TENM2: variants seen among roughly 807,000 people sequenced by gnomAD.
TENM2 encodes the protein teneurin-2.
A neutral mutation model predicts 245.2 loss-of-function variants in TENM2; 52 were observed. That is an observed-to-expected ratio of 0.21 (90% CI 0.17 to 0.27). The LOEUF (loss-of-function observed/expected upper bound fraction) is 0.27, where lower values mean the gene tolerates loss of function less well. Ranked by LOEUF, TENM2 falls within the 10% of genes least tolerant of loss-of-function variation. The pLI, the probability that TENM2 is intolerant of heterozygous loss-of-function variation, is 1.00. For synonymous variants in TENM2, 1,363 were observed against 1,438.9 expected, an observed-to-expected ratio of 0.95 and a Z score of 1.19; for missense variants, 3,046 against 3,666.8, an observed-to-expected ratio of 0.83 and a Z score of 4.37.
chr5:167,177,860 G>A, the TENM2 span, among the ~76,000 whole-genome samples: 2 of 152,160 alleles, frequency 1.3e-5, no homozygotes, highest in Non-Finnish European at 2.9e-5. Flanking sequence ...GAAAGCCTCA[G>A]TACTCTTATT....
At position 167,492,992 on chromosome 5, in the gene TENM2, G is replaced by T. The variant is rs75166540; in HGVS notation, c.502+117519G>T. Reference sequence around the variant, plus strand: ...AGGAAATCATAGAGGAGATGCATTTGAAGAATAGAGTTTGAGCATGGATTA... The same window carrying T: ...AGGAAATCATAGAGGAGATGCATTTTAAGAATAGAGTTTGAGCATGGATTA... On this transcript the variant is annotated intron_variant, in intron 2 of 28. Coordinates refer to ENST00000518659, the Ensembl canonical transcript of TENM2. Among the ~76,000 whole-genome samples, 1,185 of 152,240 alleles carry T rather than the reference G, an allele frequency of 7.8e-3. 19 individuals carry two copies. Among genetic ancestry groups the T allele is most frequent in the African/African-American group, 0.027 (1,134 of 41,550 alleles).
chr5:167,394,819 A>G (rs1283417303), intron 2 of TENM2, among the ~76,000 whole-genome samples: 1 of 151,664 alleles, frequency 6.6e-6, no homozygotes, highest in African/African-American at 2.4e-5. Context: ...CTGGTCTCAA[A>G]CTCCTGAACT....
intron 2 of TENM2, among the ~76,000 whole-genome samples, chr5:167,815,760 T>C (rs1766998574): frequency 6.6e-6 from 1 of 150,644 alleles, no homozygotes; most frequent in Non-Finnish European, 1.5e-5. Context: ...GTCAGGGGGA[T>C]GGTTCATGTG....
At chr5:167,343,495 GA>G (rs1262762015) in intron 1 of TENM2, among the ~76,000 whole-genome samples, 1 of 152,110 alleles carries the variant, frequency 6.6e-6, no homozygotes. Flanking sequence ...TGCTCCATAT[GA>G]ACTTTAGGTT....
downstream of TENM2, chr5:168,263,296 G>C (rs1768375204): frequency 6.4e-6 from 1 of 155,292 alleles, no homozygotes; most frequent in African/African-American, 2.4e-5. Context: ...GCAGACATCC[G>C]CGAGGGCCAG....
At chr5:167,921,215 T>C (rs144126956) in intron 3 of TENM2, among the ~76,000 whole-genome samples, 300 of 152,336 alleles carry the variant, frequency 2.0e-3, no homozygotes, top group African/African-American at 6.7e-3. Context: ...AGTTGTGTGA[T>C]AAATTATGGA....
the TENM2 span, among the ~76,000 whole-genome samples, chr5:166,994,753 G>A: frequency 7.2e-5 from 11 of 152,162 alleles, no homozygotes; most frequent in Non-Finnish European, 1.2e-4. Flanking sequence ...CACAATTGAC[G>A]TGTGGAAGAG....
the TENM2 span, among the ~76,000 whole-genome samples, chr5:167,029,061 C>T: frequency 1.3e-5 from 2 of 152,208 alleles, no homozygotes; most frequent in South Asian, 4.1e-4. Flanking sequence ...AAAATTGTAA[C>T]TCAGCAGTCT....
At chr5:167,819,518 C>T (rs758657431) in intron 2 of TENM2, among the ~76,000 whole-genome samples, 5 of 152,114 alleles carry the variant, frequency 3.3e-5, no homozygotes, top group African/African-American at 9.7e-5. Flanking sequence ...TTTCACTAAG[C>T]GGTGCCTGGG....
At chr5:167,714,980 T>C (rs1759164357) in intron 2 of TENM2, among the ~76,000 whole-genome samples, 1 of 152,190 alleles carries the variant, frequency 6.6e-6, no homozygotes, top group South Asian at 2.1e-4. Flanking sequence ...CTTTTTAGGT[T>C]CTTTAAATGG....
chr5:167,581,664 TGAGA>T (rs1301337762), intron 2 of TENM2, among the ~76,000 whole-genome samples: 2 of 152,012 alleles, frequency 1.3e-5, no homozygotes, highest in Non-Finnish European at 2.9e-5. Context: ...ATTTCCAGAG[TGAGA>T]GAGACAGAGA....
At chr5:167,762,761 C>T (rs1359300893) in intron 2 of TENM2, among the ~76,000 whole-genome samples, 4 of 152,126 alleles carry the variant, frequency 2.6e-5, no homozygotes, top group Middle Eastern at 3.2e-3. Context: ...TAAAAACATC[C>T]AGCTAAAAAT....
chr5:167,086,919 A>T, the TENM2 span, among the ~76,000 whole-genome samples: 2 of 91,256 alleles, frequency 2.2e-5, 1 homozygote, highest in South Asian at 5.8e-4. Flanking sequence ...GGAAACTCTA[A>T]CACACACACG....
the TENM2 span, among the ~76,000 whole-genome samples, chr5:167,140,488 C>G: frequency 6.6e-6 from 1 of 152,126 alleles, no homozygotes; most frequent in South Asian, 2.1e-4. Context: ...ACCTGCCGCT[C>G]ACAACCAGGC....
At chr5:167,098,511 A>G in the TENM2 span, among the ~76,000 whole-genome samples, 1 of 152,240 alleles carries the variant, frequency 6.6e-6, no homozygotes, top group South Asian at 2.1e-4. Context: ...ATGCTTCCCC[A>G]TTCTTGCCCT....
chr5:168,141,212 C>G (rs142008917), intron 12 of TENM2, among the ~76,000 whole-genome samples: 175 of 152,260 alleles, frequency 1.1e-3, no homozygotes, highest in African/African-American at 4.2e-3. Context: ...CAGCACAACA[C>G]AAGTATTCTG....
the TENM2 span, among the ~76,000 whole-genome samples, chr5:167,010,637 A>C: frequency 6.6e-6 from 1 of 152,220 alleles, no homozygotes; most frequent in African/African-American, 2.4e-5. Flanking sequence ...AGATAAGTCT[A>C]TTTCATTAGA....
chr5:167,683,383 G>T (rs562785302), intron 2 of TENM2, among the ~76,000 whole-genome samples: 3 of 152,102 alleles, frequency 2.0e-5, no homozygotes, highest in African/African-American at 7.2e-5. Flanking sequence ...TCCTTCCCCC[G>T]GTTGCACAAA....
chr5:167,816,060 G>A (rs1767033886), intron 2 of TENM2, among the ~76,000 whole-genome samples: 1 of 151,898 alleles, frequency 6.6e-6, no homozygotes, highest in African/African-American at 2.4e-5. Flanking sequence ...GCCCTGGAGA[G>A]TGGTTGCTAA....
Sources: allele counts gnomAD v4.1 joint callset (sites outside exome capture counted in the v4.1 genomes callset), GRCh38; gene constraint gnomAD v4.1.1; transcripts MANE v1.5; gene names NCBI Gene and HGNC (gene_info 2026-07-23, HGNC 2026-07-21).